Variants in COG6 observed in about 807,000 individuals in gnomAD.
COG6 encodes conserved oligomeric Golgi complex subunit 6.
COG6 carries 74 observed loss-of-function variants against 88.8 expected under a neutral mutation model. That is an observed-to-expected ratio of 0.83 (90% confidence interval 0.69 to 1.01). The LOEUF (loss-of-function observed/expected upper bound fraction) is 1.01. Ranked by LOEUF, COG6 falls within the 50% of genes least tolerant of loss-of-function variation. The pLI is 0.00. For missense variants in COG6, 800 were observed against 797.9 expected, an observed-to-expected ratio of 1.00 and a Z score of -0.03; for synonymous variants, 286 against 278.7, an observed-to-expected ratio of 1.03 and a Z score of -0.26.
intron 13 of COG6, among the ~76,000 whole-genome samples, chr13:39,709,814 C>T (rs74528360): frequency 0.06 from 9,130 of 152,090 alleles, 383 homozygotes; most frequent in Non-Finnish European, 0.094. Context: ...AGGTTGATTC[C>T]GTATCTTCGC....
downstream of COG6, among the ~76,000 whole-genome samples, chr13:39,753,995 G>T (rs9548921): frequency 0.26 from 39,264 of 152,008 alleles, 5,106 homozygotes; most frequent in African/African-American, 0.27. Flanking sequence ...TATGTTGTCA[G>T]ATCTAGCAGA....
rs932308783 is a variant in COG6, at chr13:39,752,225, G to A, written c.*1132G>A. The A allele has an allele frequency of 2.9e-5, 31 of 1,053,670 alleles. No individual in the cohort carries two copies. The highest frequency in any genetic ancestry group is 4.2e-4 in the Middle Eastern group (1 of 2,400). 65.3% of individuals were successfully genotyped at this position (1,053,670 alleles called of 1,614,324 possible). A position where few individuals can be genotyped will look rare whatever the true frequency, so the allele number is the denominator to read the frequency against. On this transcript the variant is annotated 3_prime_UTR_variant, in exon 19 of 19. Coordinates refer to ENST00000455146, the MANE Select transcript of COG6 (RefSeq NM_020751.3). ...TACAAATGAGAAAATTGAAGCACAA[G>A]GAAAAAAATAACTAGTTTGAAATAT...
In COG6 at chr13:39,713,651, G is replaced by T. The variant is rs185344080; in HGVS notation, c.1285-5585G>T. On this transcript the variant is annotated intron_variant, in intron 13 of 18. Coordinates refer to ENST00000455146, the MANE Select transcript of COG6 (RefSeq NM_020751.3). The stretch of plus-strand genomic sequence containing the variant: ...CTCGGGAGGCCAAGGCAGGAGAATG[G>T]CATGAACCTGGGAGGTGGAGCTTGC... 1.2e-3 allele frequency among the ~76,000 whole-genome samples: 186 copies of T among 152,224 alleles called. No homozygotes were observed. In the Middle Eastern group the frequency reaches 0.027, roughly 22 times the overall value.
chr13:39,767,308 T>A (rs1881194268), intron 18 of COG6, among the ~76,000 whole-genome samples: 1 of 152,246 alleles, frequency 6.6e-6, no homozygotes, highest in South Asian at 2.1e-4. Context: ...GTTGTGCTAA[T>A]TGCCAGATTG....
intron 4 of COG6, 24 bp downstream of exon 4, chr13:39,665,178 C>T: frequency 7.7e-7 from 1 of 1,290,446 alleles, no homozygotes; most frequent in Non-Finnish European, 1.1e-6. Flanking sequence ...CATACAACCA[C>T]CTTTTCAATA....
At chr13:39,695,075 A>G (rs1877199729) in intron 12 of COG6, among the ~76,000 whole-genome samples, 1 of 151,680 alleles carries the variant, frequency 6.6e-6, no homozygotes, top group Non-Finnish European at 1.5e-5. Context: ...CAACTAAAGC[A>G]ACTATACCTT....
intron 18 of COG6, among the ~76,000 whole-genome samples, chr13:39,750,191 AACCATGAGT>A (rs1294113542): frequency 6.6e-6 from 1 of 152,162 alleles, no homozygotes; most frequent in Non-Finnish European, 1.5e-5. Context: ...GTACCATGAG[AACCATGAGT>A]ACCGTTAGTA....
chr13:39,668,488 A>G (rs1230838780), intron 4 of COG6, among the ~76,000 whole-genome samples: 3 of 152,178 alleles, frequency 2.0e-5, no homozygotes, highest in African/African-American at 4.8e-5. Flanking sequence ...ATAGATTCAC[A>G]TGCAGTTGTA....
chr13:39,679,919 T>A, intron 6 of COG6, 56 bp from the exon 7 acceptor site: 1 of 894,180 alleles, frequency 1.1e-6, no homozygotes, highest in Admixed American at 1.8e-5. Context: ...AATAATTAGG[T>A]GCTTAGATGT....
chr13:39,666,887 CAAAG>C (rs974060527), intron 4 of COG6, among the ~76,000 whole-genome samples: 2 of 152,118 alleles, frequency 1.3e-5, no homozygotes, highest in Admixed American at 6.5e-5. Flanking sequence ...TAGCACAAAA[CAAAG>C]AAAACATTTT....
At chr13:39,759,835 G>A (rs969481162) in intron 18 of COG6, among the ~76,000 whole-genome samples, 1 of 152,034 alleles carries the variant, frequency 6.6e-6, no homozygotes, top group Non-Finnish European at 1.5e-5. Context: ...AAAAATAAAT[G>A]GTACTAAGCT....
At chr13:39,739,393 CAAAG>C (rs1345268720) in intron 18 of COG6, among the ~76,000 whole-genome samples, 6 of 151,664 alleles carry the variant, frequency 4.0e-5, no homozygotes, top group Admixed American at 6.6e-5. Flanking sequence ...AAGTGGCATA[CAAAG>C]AAAGAAAGAG....
intron 13 of COG6, among the ~76,000 whole-genome samples, chr13:39,718,603 A>G (rs1324143245): frequency 6.6e-6 from 1 of 152,068 alleles, no homozygotes; most frequent in Non-Finnish European, 1.5e-5. Flanking sequence ...AACTTAAGTA[A>G]CTTGCTGAAG....
intron 4 of COG6, among the ~76,000 whole-genome samples, chr13:39,674,940 T>G (rs188340440): frequency 6.6e-6 from 1 of 152,138 alleles, no homozygotes; most frequent in Non-Finnish European, 1.5e-5. Flanking sequence ...ACCATTGTAA[T>G]TACTTCTTAA....
chr13:39,779,227 G>A (rs1024268335), intron 18 of COG6, among the ~76,000 whole-genome samples: 1 of 140,112 alleles, frequency 7.1e-6, no homozygotes, highest in Non-Finnish European at 1.6e-5. Flanking sequence ...AAACAGTGCA[G>A]GGTGTATGGT....
intron 10 of COG6, 129 bp downstream of exon 10, chr13:39,687,928 T>C: frequency 1.4e-6 from 1 of 713,190 alleles, no homozygotes; most frequent in Non-Finnish European, 2.5e-6. Context: ...TCCTGATTAC[T>C]CTTTCTCTTC....
At chr13:39,746,082 A>T (rs112868720) in intron 18 of COG6, among the ~76,000 whole-genome samples, 5 of 150,894 alleles carry the variant, frequency 3.3e-5, no homozygotes, top group Admixed American at 6.6e-5. Flanking sequence ...GGGGCCTGTC[A>T]TGGGGTGGGG....
chr13:39,773,404 C>T (rs763926862), intron 18 of COG6, among the ~76,000 whole-genome samples: 17 of 152,144 alleles, frequency 1.1e-4, no homozygotes, highest in Non-Finnish European at 1.0e-4. Flanking sequence ...ATAATTTATG[C>T]CATTTTTACA....
chr13:39,680,423 G>A (rs1876242046), intron 7 of COG6, among the ~76,000 whole-genome samples: 1 of 152,222 alleles, frequency 6.6e-6, no homozygotes, highest in Non-Finnish European at 1.5e-5. Context: ...CTGTAAAGTT[G>A]TAAGTGGTAA....
Sources: allele counts gnomAD v4.1 joint callset (sites outside exome capture counted in the v4.1 genomes callset), GRCh38; gene constraint gnomAD v4.1.1; transcripts MANE v1.5; gene names NCBI Gene and HGNC (gene_info 2026-07-23, HGNC 2026-07-21).